The following NCOA7 variants were observed in gnomAD, a reference collection of about 807,000 sequenced individuals.
NCOA7 encodes 140 kDa estrogen receptor-associated protein.
NCOA7 carries 45 observed loss-of-function variants against 104.3 expected under a neutral mutation model. The ratio of observed to expected loss-of-function variants is 0.43; its 90% CI spans 0.34 to 0.55. NCOA7 has a LOEUF of 0.55. NCOA7 is among the 20% of genes least tolerant of loss of function. The probability of loss-of-function intolerance (pLI) is 0.02; values close to 1 mark genes in which losing one functional copy is unlikely to be tolerated. For missense variants in NCOA7, 1,041 were observed against 1,119.7 expected (o/e 0.93, Z 1.00); for synonymous variants, 398 against 402.3 (o/e 0.99, Z 0.13).
Position 125,920,909 on chromosome 6 carries a change from A to C in NCOA7, c.2245-34A>C. Reference sequence around the variant, plus strand: ...ATTAGCAGTTAGAAGAAAAGCCAATAAGTTATTTTTCTTGGCTTGTTTTCT... The same window carrying C: ...ATTAGCAGTTAGAAGAAAAGCCAATCAGTTATTTTTCTTGGCTTGTTTTCT... On this transcript the variant is annotated intron_variant, in intron 11 of 15. Transcript: ENST00000392477. 3 of 1,605,070 alleles carry C rather than the reference A, an allele frequency of 1.9e-6. No homozygotes were observed. In the East Asian group the frequency reaches 6.8e-5, roughly 36 times the overall value.
intron 12 of NCOA7, 59 bp from the exon 13 acceptor site, chr6:125,922,623 T>C: frequency 6.3e-7 from 1 of 1,577,340 alleles, no homozygotes; most frequent in Non-Finnish European, 8.6e-7. Flanking sequence ...TTGTGCCACA[T>C]GTTCGTGAGC....
intron 10 of NCOA7, among the ~76,000 whole-genome samples, chr6:125,913,264 A>G (rs1339537316): frequency 6.6e-6 from 1 of 152,160 alleles, no homozygotes; most frequent in Non-Finnish European, 1.5e-5. Flanking sequence ...GAGACTGGGG[A>G]AAGAGTGGGT....
At chr6:125,864,735 C>T (rs1255817439) in intron 3 of NCOA7, among the ~76,000 whole-genome samples, 1 of 137,320 alleles carries the variant, frequency 7.3e-6, no homozygotes, top group Non-Finnish European at 1.5e-5. Flanking sequence ...CTCGGACTTC[C>T]TAGTGTCCAG....
At chr6:125,820,494 T>C (rs1043911989) in intron 2 of NCOA7, among the ~76,000 whole-genome samples, 8 of 152,240 alleles carry the variant, frequency 5.3e-5, no homozygotes, top group African/African-American at 1.9e-4. Context: ...GGTCCCCTTA[T>C]TCTCTTTTCC....
chr6:125,911,323 G>A (rs575606288), intron 10 of NCOA7, among the ~76,000 whole-genome samples: 1 of 152,218 alleles, frequency 6.6e-6, no homozygotes, highest in African/African-American at 2.4e-5. Flanking sequence ...CCCTGCCTCA[G>A]TTTCCCTCCC....
intron 1 of NCOA7, among the ~76,000 whole-genome samples, chr6:125,801,520 T>C (rs1037424929): frequency 2.0e-5 from 3 of 152,212 alleles, no homozygotes; most frequent in Non-Finnish European, 1.5e-5. Context: ...AGGGGAGCCA[T>C]GACAAAGTAC....
At chr6:125,886,038 C>G (rs965158762) in intron 8 of NCOA7, among the ~76,000 whole-genome samples, 4 of 152,024 alleles carry the variant, frequency 2.6e-5, no homozygotes, top group African/African-American at 9.7e-5. Flanking sequence ...ACTGTCCTTT[C>G]GCTCTACTGT....
intron 10 of NCOA7, among the ~76,000 whole-genome samples, chr6:125,907,960 T>G (rs897832796): frequency 6.6e-6 from 1 of 152,188 alleles, no homozygotes; most frequent in African/African-American, 2.4e-5. Flanking sequence ...ATATTGAAAG[T>G]GCTTTTTCCT....
intron 13 of NCOA7, among the ~76,000 whole-genome samples, chr6:125,925,939 T>C (rs1456644535): frequency 6.6e-6 from 1 of 152,142 alleles, no homozygotes; most frequent in South Asian, 2.1e-4. Flanking sequence ...ATGCAATAGA[T>C]CTAACAAAAT....
rs986225466 is a variant in NCOA7 at position 125,874,921 on chromosome 6, GAGA to G, written c.311_313del (p.Lys104del). ...TCAAAACAAAACACATGATAAAAAA[GAGA>G]AGAAGATGGTGGTTCAGAAGCCCCA... On this transcript the variant is annotated inframe_deletion, in exon 4 of 16. Transcript: ENST00000392477. 4.3e-6 allele frequency: 7 copies of G among 1,613,640 alleles called. No homozygotes were observed. In the African/African-American group the frequency reaches 9.3e-5, roughly 22 times the overall value.
chr6:125,838,434 C>CT (rs767932149), intron 2 of NCOA7, among the ~76,000 whole-genome samples: 3 of 152,150 alleles, frequency 2.0e-5, no homozygotes, highest in Admixed American at 6.6e-5. Flanking sequence ...TCAGTTAAAT[C>CT]TTTCCTAGAT....
chr6:125,914,480 A>G (rs1172858411), intron 10 of NCOA7, among the ~76,000 whole-genome samples: 1 of 152,234 alleles, frequency 6.6e-6, no homozygotes, highest in Non-Finnish European at 1.5e-5. Context: ...TTTTAGTCCT[A>G]TTAATATTAT....
At chr6:125,846,833 A>C (rs1251555291) in intron 2 of NCOA7, among the ~76,000 whole-genome samples, 1 of 152,066 alleles carries the variant, frequency 6.6e-6, no homozygotes, top group Non-Finnish European at 1.5e-5. Flanking sequence ...TCCTTTTCTT[A>C]TCTGTAAAAT....
intron 1 of NCOA7, among the ~76,000 whole-genome samples, chr6:125,785,867 T>G (rs1774440770): frequency 6.6e-6 from 1 of 152,158 alleles, no homozygotes. Context: ...CGGACAACAA[T>G]CCATGTCTAT....
At chr6:125,821,352 G>A (rs935416065) in intron 2 of NCOA7, among the ~76,000 whole-genome samples, 11 of 152,072 alleles carry the variant, frequency 7.2e-5, no homozygotes, top group African/African-American at 1.7e-4. Flanking sequence ...TAAGATAGGC[G>A]TGTCAGGATT....
At chr6:125,833,314 T>G (rs1244785991) in intron 2 of NCOA7, among the ~76,000 whole-genome samples, 1 of 152,006 alleles carries the variant, frequency 6.6e-6, no homozygotes, top group Admixed American at 6.6e-5. Flanking sequence ...TGGCCGGGCT[T>G]GGTGGCTCAC....
intron 1 of NCOA7, among the ~76,000 whole-genome samples, chr6:125,807,045 T>G (rs1776532279): frequency 6.6e-6 from 1 of 152,188 alleles, no homozygotes; most frequent in Non-Finnish European, 1.5e-5. Context: ...AGGAAGCCAT[T>G]CCATCTGCAG....
intron 6 of NCOA7, among the ~76,000 whole-genome samples, chr6:125,881,412 G>A (rs1283579647): frequency 6.6e-5 from 10 of 152,176 alleles, no homozygotes; most frequent in Admixed American, 3.9e-4. Flanking sequence ...GGCTCAGCCT[G>A]TAGTCCCAGC....
At position 125,871,277 on chromosome 6, in the gene NCOA7, G is replaced by T. The variant is rs557711317; in HGVS notation, c.272-3612G>T. ...ATGGATCCTTACCTAAAACACTAGG[G>T]TTGGAGCACCATTCTAAAGCACAAT... On this transcript the variant is annotated intron_variant, in intron 3 of 15. Transcript: ENST00000392477. 3.2e-5 allele frequency among the ~76,000 whole-genome samples: 4 copies of T among 125,452 alleles called. No homozygotes were observed. The South Asian group carries it at 6.5e-4, about 21-fold the overall frequency. The allele number at this position is 125,452 out of a possible 152,430, so 82.3% of individuals were successfully genotyped here.
Sources: gnomAD v4.1 joint callset for allele counts (sites outside exome capture counted in the v4.1 genomes callset) on GRCh38, gnomAD v4.1.1 for gene constraint, MANE v1.5 for transcripts, NCBI Gene and HGNC (gene_info 2026-07-23, HGNC 2026-07-21) for gene names.